Variants in LDB2 observed in about 807,000 individuals in gnomAD.
LDB2 encodes LIM domain binding 2.
LDB2 carries 12 observed loss-of-function variants against 44.3 expected under a neutral mutation model. That is an observed-to-expected ratio of 0.27 (90% CI 0.17 to 0.44). The LOEUF (loss-of-function observed/expected upper bound fraction) is 0.44. LDB2 is among the 20% of genes least tolerant of loss of function. LDB2 has a pLI of 1.00. For missense variants in LDB2, 344 were observed against 473.5 expected, an observed-to-expected ratio of 0.73 and a Z score of 2.54; for synonymous variants, 164 against 174.8, an observed-to-expected ratio of 0.94 and a Z score of 0.49.
At chr4:16,536,126 G>A (rs773180337) in intron 5 of LDB2, among the ~76,000 whole-genome samples, 7 of 152,156 alleles carry the variant, frequency 4.6e-5, no homozygotes, top group Non-Finnish European at 8.8e-5. Context: ...CAGGATGGTC[G>A]GCCCTCTCCC....
chr4:16,537,826 T>A (rs1732386401), intron 5 of LDB2, among the ~76,000 whole-genome samples: 1 of 152,086 alleles, frequency 6.6e-6, no homozygotes, highest in Non-Finnish European at 1.5e-5. Flanking sequence ...CTGCCACTGG[T>A]TTCTCAAGCT....
chr4:16,811,743 T>C (rs907568450), intron 1 of LDB2, among the ~76,000 whole-genome samples: 4 of 152,184 alleles, frequency 2.6e-5, no homozygotes, highest in East Asian at 1.9e-4. Flanking sequence ...ACGTTCTCCA[T>C]TGGGGAAGAC....
intron 1 of LDB2, among the ~76,000 whole-genome samples, chr4:16,804,151 T>G (rs1778351975): frequency 6.6e-6 from 1 of 152,230 alleles, no homozygotes; most frequent in Non-Finnish European, 1.5e-5. Context: ...AGAGTCTCAC[T>G]CTATGTCCCA....
intron 1 of LDB2, among the ~76,000 whole-genome samples, chr4:16,765,908 T>C (rs1769107269): frequency 6.6e-6 from 1 of 152,178 alleles, no homozygotes; most frequent in South Asian, 2.1e-4. Context: ...GTATTATACA[T>C]CTCAGTGAAA....
At chr4:16,894,917 T>C (rs1724467525) in intron 1 of LDB2, among the ~76,000 whole-genome samples, 1 of 151,900 alleles carries the variant, frequency 6.6e-6, no homozygotes, top group South Asian at 2.1e-4. Context: ...TATTATTGGA[T>C]GTGTAATATT....
chr4:16,860,028 A>G (rs1711982676), intron 1 of LDB2, among the ~76,000 whole-genome samples: 1 of 152,198 alleles, frequency 6.6e-6, no homozygotes, highest in Non-Finnish European at 1.5e-5. Context: ...TCAAAGACCC[A>G]AAACTACCCA....
chr4:16,631,574 T>TA (rs1731958307), intron 2 of LDB2, among the ~76,000 whole-genome samples: 1 of 151,458 alleles, frequency 6.6e-6, no homozygotes, highest in African/African-American at 2.4e-5. Context: ...AGACAAGAAA[T>TA]AACTAAGATC....
At chr4:16,551,315 T>C (rs1047764095) in intron 5 of LDB2, among the ~76,000 whole-genome samples, 7 of 152,178 alleles carry the variant, frequency 4.6e-5, no homozygotes, top group South Asian at 4.1e-4. Context: ...AAACATTTCA[T>C]ACAATTTTTT....
At chr4:16,540,801 T>C (rs1345343001) in intron 5 of LDB2, among the ~76,000 whole-genome samples, 2 of 152,218 alleles carry the variant, frequency 1.3e-5, no homozygotes, top group East Asian at 1.9e-4. Flanking sequence ...AGAAATGATA[T>C]CATTTCATGT....
chr4:16,721,310 C>T lies in LDB2; in HGVS notation c.235+37848G>A, dbSNP rs915202182. On this transcript the variant is annotated intron_variant, in intron 2 of 7. Transcript: ENST00000304523. The stretch of plus-strand genomic sequence containing the variant: ...TATCCACATTGATAACTGAAGCAAA[C>T]GGATAGATAATCCAAAATATAAGGG... Among the ~76,000 whole-genome samples the T allele has an allele frequency of 5.3e-5, 8 of 152,186 alleles. No homozygotes were observed. In the South Asian group the frequency reaches 6.2e-4, roughly 12 times the overall value.
chr4:16,602,579 A>T (rs996039661), intron 2 of LDB2, among the ~76,000 whole-genome samples: 22 of 152,150 alleles, frequency 1.4e-4, no homozygotes, highest in African/African-American at 4.8e-4. Flanking sequence ...ACATTGAAAG[A>T]TTTTAGCCAA....
intron 2 of LDB2, among the ~76,000 whole-genome samples, chr4:16,684,616 T>G (rs1748755886): frequency 6.6e-6 from 1 of 152,246 alleles, no homozygotes; most frequent in Non-Finnish European, 1.5e-5. Context: ...AAACCTTGTT[T>G]TTAATTTGCT....
At chr4:16,512,370 A>G (rs1233109648) in intron 5 of LDB2, among the ~76,000 whole-genome samples, 5 of 152,182 alleles carry the variant, frequency 3.3e-5, no homozygotes. Flanking sequence ...ATACGTGTAC[A>G]CACACACCTG....
At chr4:16,657,765 A>G (rs554403614) in intron 2 of LDB2, among the ~76,000 whole-genome samples, 13 of 152,334 alleles carry the variant, frequency 8.5e-5, no homozygotes, top group Admixed American at 5.2e-4. Flanking sequence ...TGATTAAACG[A>G]ATGAATGGAT....
chr4:16,779,735 G>GGTCA (rs1204348400), intron 1 of LDB2, among the ~76,000 whole-genome samples: 1 of 152,180 alleles, frequency 6.6e-6, no homozygotes, highest in Non-Finnish European at 1.5e-5. Context: ...CCTTCCCCAT[G>GGTCA]GTCAGTTCAG....
intron 1 of LDB2, among the ~76,000 whole-genome samples, chr4:16,790,659 G>A (rs367770228): frequency 3.3e-5 from 5 of 151,414 alleles, no homozygotes; most frequent in African/African-American, 7.4e-5. Flanking sequence ...GCAGTCTGAC[G>A]GAGCTAACAT....
intron 5 of LDB2, among the ~76,000 whole-genome samples, chr4:16,577,499 C>G (rs952128437): frequency 3.3e-5 from 5 of 151,944 alleles, no homozygotes; most frequent in African/African-American, 1.2e-4. Context: ...AATAAAATAC[C>G]TAGGAATTAA....
intron 2 of LDB2, among the ~76,000 whole-genome samples, chr4:16,705,767 T>C (rs1342074955): frequency 1.3e-5 from 2 of 152,208 alleles, no homozygotes; most frequent in African/African-American, 4.8e-5. Context: ...GTTTGGTCCA[T>C]TGTTATTTTC....
At chr4:16,546,482 A>G (rs533139432) in intron 5 of LDB2, among the ~76,000 whole-genome samples, 92 of 152,346 alleles carry the variant, frequency 6.0e-4, no homozygotes, top group African/African-American at 1.9e-3. Flanking sequence ...TGTGAAGTGC[A>G]CTTTTATGTA....
Sources: allele counts gnomAD v4.1 joint callset (sites outside exome capture counted in the v4.1 genomes callset), GRCh38; gene constraint gnomAD v4.1.1; transcripts MANE v1.5; gene names NCBI Gene and HGNC (gene_info 2026-07-23, HGNC 2026-07-21).